The following ZRANB3 variants were observed in gnomAD, a reference collection of about 807,000 sequenced individuals.
ZRANB3 encodes DNA annealing helicase and endonuclease ZRANB3.
ZRANB3 carries 125 observed loss-of-function variants against 133.8 expected under a neutral mutation model. The ratio of observed to expected loss-of-function variants is 0.93; its 90% confidence interval spans 0.81 to 1.08. ZRANB3 has a LOEUF of 1.08. ZRANB3 is among the 50% of genes least tolerant of loss of function. ZRANB3 has a pLI of 0.00. For synonymous variants in ZRANB3, 387 were observed against 432.7 expected (o/e 0.89, Z 1.31); for missense variants, 1,229 against 1,275.5 (o/e 0.96, Z 0.56).
chr2:135,198,618 T>TA lies in ZRANB3; in HGVS notation c.*1723dup, dbSNP rs1400884749. ...AAGTTCCCCTCAAATTTGACCTACTTAGACCTCGCTTGCAAAACCCCATGC... is the reference window on the plus strand; with the variant it reads ...AAGTTCCCCTCAAATTTGACCTACTTAAGACCTCGCTTGCAAAACCCCATGC... On this transcript the variant is annotated 3_prime_UTR_variant, in exon 21 of 21. Coordinates refer to ENST00000264159, the MANE Select transcript of ZRANB3 (RefSeq NM_032143.4). 6.6e-6 allele frequency: 1 copy of TA among 152,184 alleles called. No individual in the cohort carries two copies. The highest frequency in any genetic ancestry group is 1.5e-5 in the Non-Finnish European group (1 of 68,042). 9.4% of individuals were successfully genotyped at this position (152,184 alleles called of 1,614,324 possible). A position where few individuals can be genotyped will look rare whatever the true frequency, so the allele number is the denominator to read the frequency against.
At chr2:135,439,313 T>C (rs145024560) in intron 2 of ZRANB3, among the ~76,000 whole-genome samples, 4 of 152,256 alleles carry the variant, frequency 2.6e-5, no homozygotes, top group East Asian at 1.9e-4. Flanking sequence ...AACGACCTCA[T>C]TGATCTAGCT....
chr2:135,323,141 T>C (rs1414435296), intron 6 of ZRANB3, among the ~76,000 whole-genome samples: 1 of 152,206 alleles, frequency 6.6e-6, no homozygotes, highest in Non-Finnish European at 1.5e-5. Flanking sequence ...TAAACAATTA[T>C]AAACAAATTT....
chr2:135,501,983 C>G (rs1692969892), intron 2 of ZRANB3, among the ~76,000 whole-genome samples: 2 of 151,858 alleles, frequency 1.3e-5, no homozygotes, highest in African/African-American at 4.8e-5. Flanking sequence ...TTATGGAAGC[C>G]AGAAGACAGG....
At chr2:135,431,722 G>T (rs942258442) in intron 2 of ZRANB3, among the ~76,000 whole-genome samples, 38 of 152,212 alleles carry the variant, frequency 2.5e-4, no homozygotes, top group Non-Finnish European at 4.1e-4. Context: ...CATCTTTAGT[G>T]ATCCGAAAAC....
intron 3 of ZRANB3, among the ~76,000 whole-genome samples, chr2:135,379,959 G>A (rs1686612267): frequency 1.3e-5 from 2 of 152,188 alleles, no homozygotes; most frequent in South Asian, 4.2e-4. Flanking sequence ...TAAAGGGATG[G>A]AGGAAGATCT....
intron 12 of ZRANB3, among the ~76,000 whole-genome samples, chr2:135,234,777 A>G (rs868088042): frequency 9.9e-5 from 15 of 152,240 alleles, no homozygotes; most frequent in Non-Finnish European, 1.0e-4. Context: ...TCTCTGGGAT[A>G]CATTCAAAGC....
At chr2:135,358,651 A>T (rs990763751) in intron 3 of ZRANB3, among the ~76,000 whole-genome samples, 2 of 152,228 alleles carry the variant, frequency 1.3e-5, no homozygotes, top group African/African-American at 4.8e-5. Flanking sequence ...TTTAAAAAGA[A>T]AAAAAAGTTT....
chr2:135,443,351 G>C (rs958522277), intron 2 of ZRANB3, among the ~76,000 whole-genome samples: 1 of 147,518 alleles, frequency 6.8e-6, no homozygotes, highest in South Asian at 2.2e-4. Flanking sequence ...TGGGAGTGTC[G>C]GGGGGGACAC....
chr2:135,201,370 C>T (rs80295457), intron 20 of ZRANB3, among the ~76,000 whole-genome samples: 16,446 of 151,934 alleles, frequency 0.11, 1,143 homozygotes, highest in South Asian at 0.32. Flanking sequence ...GAGAAGCTTA[C>T]GGTGGAGGGC....
intron 1 of ZRANB3, among the ~76,000 whole-genome samples, chr2:135,530,925 G>C (rs1694556677): frequency 6.6e-6 from 1 of 152,142 alleles, no homozygotes; most frequent in Non-Finnish European, 1.5e-5. Context: ...GTCCGCTCCA[G>C]GCCGAAAAGA....
At chr2:135,363,792 T>A (rs151156948) in intron 3 of ZRANB3, among the ~76,000 whole-genome samples, 1 of 152,248 alleles carries the variant, frequency 6.6e-6, no homozygotes, top group East Asian at 1.9e-4. Context: ...CACCTCAAAT[T>A]CTGATTCAAT....
intron 2 of ZRANB3, among the ~76,000 whole-genome samples, chr2:135,445,813 T>C (rs543666299): frequency 4.2e-5 from 6 of 143,184 alleles, no homozygotes; most frequent in African/African-American, 1.6e-4. Context: ...GAGGCAGAGG[T>C]TGCAGTAAGT....
At chr2:135,312,807 G>A (rs1163887785) in intron 8 of ZRANB3, among the ~76,000 whole-genome samples, 1 of 151,964 alleles carries the variant, frequency 6.6e-6, no homozygotes, top group Non-Finnish European at 1.5e-5. Context: ...CTTGAGGTCA[G>A]GAGTTCAAGA....
At chr2:135,267,833 A>G (rs1415271319) in intron 11 of ZRANB3, among the ~76,000 whole-genome samples, 3 of 152,106 alleles carry the variant, frequency 2.0e-5, no homozygotes, top group African/African-American at 4.8e-5. Flanking sequence ...AGATGTTAAA[A>G]TCCTAACTCC....
Position 135,242,565 on chromosome 2 carries a change from C to CAG in ZRANB3, c.1540-11640_1540-11639dup, listed in dbSNP as rs146435377. ...CAGCCTACTAAGTAGCTGGGACCTA[C>CAG]AGGCACACCACTGCACCTGGCTTTC... is the stretch of plus-strand genomic sequence containing the variant. On this transcript the variant is annotated intron_variant, in intron 12 of 20. Transcript: ENST00000264159. 7.3e-3 allele frequency among the ~76,000 whole-genome samples: 1,104 copies of CAG among 152,138 alleles called. 11 individuals are homozygous for CAG. Among genetic ancestry groups the CAG allele is most frequent in the Non-Finnish European group, 9.6e-3 (650 of 67,976 alleles).
chr2:135,250,716 A>AATT, intron 12 of ZRANB3, among the ~76,000 whole-genome samples: 1 of 152,356 alleles, frequency 6.6e-6, no homozygotes, highest in East Asian at 1.9e-4. Context: ...CTGTGGGTGC[A>AATT]CAGAAGTCAA....
intron 2 of ZRANB3, among the ~76,000 whole-genome samples, chr2:135,434,973 TAA>T (rs1435945661): frequency 6.6e-6 from 1 of 152,098 alleles, no homozygotes; most frequent in Non-Finnish European, 1.5e-5. Flanking sequence ...CTTTTTTTTT[TAA>T]GAGTTAAACT....
rs756814433 is a variant in ZRANB3 at position 135,513,829 on chromosome 2, A to C, written c.-7-9333T>G. Among the ~76,000 whole-genome samples the C allele has an allele frequency of 5.3e-5, 8 of 152,186 alleles. No homozygotes were observed. In the South Asian group the frequency reaches 8.3e-4, roughly 16 times the overall value. On this transcript the variant is annotated intron_variant, in intron 1 of 20. Transcript: ENST00000264159. ...AGGTGTAAGGAAGGGGTCCTGTTTC[A>C]GTTTTCTGCATATGGCTAGCCAGTT...
chr2:135,449,379 G>C (rs1351576354), intron 2 of ZRANB3, among the ~76,000 whole-genome samples: 1 of 152,168 alleles, frequency 6.6e-6, no homozygotes, highest in African/African-American at 2.4e-5. Context: ...CAGCACTTTG[G>C]GAGGCCAAGG....
Sources: allele counts gnomAD v4.1 joint callset (sites outside exome capture counted in the v4.1 genomes callset), GRCh38; gene constraint gnomAD v4.1.1; transcripts MANE v1.5; gene names NCBI Gene and HGNC (gene_info 2026-07-23, HGNC 2026-07-21).